The following PDXDC1 variants were observed in gnomAD, a reference collection of about 807,000 sequenced individuals.
PDXDC1 encodes the protein pyridoxal-dependent decarboxylase domain-containing protein 1.
PDXDC1 carries 42 observed loss-of-function variants against 100.1 expected under a neutral mutation model. That is an observed-to-expected ratio of 0.42 (90% CI 0.33 to 0.54). The LOEUF is 0.54. Ranked by LOEUF, PDXDC1 falls within the 20% of genes least tolerant of loss-of-function variation. The pLI, the probability that PDXDC1 is intolerant of heterozygous loss-of-function variation, is 0.10. For missense variants in PDXDC1, 636 were observed against 979.2 expected (o/e 0.65, Z 4.68); for synonymous variants, 260 against 371.7 (o/e 0.70, Z 3.46).
chr16:15,111,456 C>CAAAAA (rs4012875), intron 16 of PDXDC1, among the ~76,000 whole-genome samples: 5 of 100,456 alleles, frequency 5.0e-5, no homozygotes, highest in Non-Finnish European at 4.0e-5. Context: ...AACTCTGTCT[C>CAAAAA]AAAAAAAAAA....
intron 16 of PDXDC1, among the ~76,000 whole-genome samples, chr16:15,111,944 C>A (rs1042106257): frequency 6.8e-6 from 1 of 147,844 alleles, no homozygotes. Context: ...AACATTTCAC[C>A]CCCTGCTCCT....
chr16:15,105,302 GA>G (rs1328271550), intron 16 of PDXDC1, among the ~76,000 whole-genome samples: 1 of 74,810 alleles, frequency 1.3e-5, no homozygotes, highest in Non-Finnish European at 2.7e-5. Flanking sequence ...CCAAATCTAA[GA>G]AAACAGAGGT....
chr16:15,142,223 C>T (rs2048486632), downstream of PDXDC1, among the ~76,000 whole-genome samples: 1 of 152,096 alleles, frequency 6.6e-6, no homozygotes, highest in Non-Finnish European at 1.5e-5. Context: ...GCAGGTCAGC[C>T]GAGGACCCCA....
chr16:15,132,681 C>A, intron 16 of PDXDC1: 2 of 746,144 alleles, frequency 2.7e-6, no homozygotes, highest in South Asian at 1.5e-5. Flanking sequence ...AGTACCCTGG[C>A]AGGCATGCGG....
chr16:15,133,283 A>G (rs2048196042), intron 16 of PDXDC1: 2 of 1,580,908 alleles, frequency 1.3e-6, no homozygotes, highest in Non-Finnish European at 1.7e-6. Flanking sequence ...GACGGTGACC[A>G]GGGCCAGCGA....
Position 15,008,782 on chromosome 16 carries a change from G to A in PDXDC1, c.583G>A (p.Gly195Ser), listed in dbSNP as rs751031747. Residue 195 changes from glycine (G) to serine (S), a missense_variant, in exon 7 of 23, where the codon GGC (glycine) becomes AGC (serine). Gly to Ser is a moderately conservative substitution (Grantham distance 56, BLOSUM62 0). Transcript: ENST00000396410. ...AGTCATATGTTTCTTCCTGCAGCTCGGCTTGCCCTTCCCCTGCTTGTGCCG... is the reference window on the plus strand; with the variant it reads ...AGTCATATGTTTCTTCCTGCAGCTCAGCTTGCCCTTCCCCTGCTTGTGCCG... Reference protein sequence around the residue: ...GLGQYLCNQLGLPFPCLCRVP... With the variant: ...GLGQYLCNQLSLPFPCLCRVP... 54 of 1,613,696 alleles carry A rather than the reference G, an allele frequency of 3.3e-5. No individual in the cohort carries two copies. In the East Asian group the frequency reaches 3.6e-4, roughly 11 times the overall value.
chr16:15,073,071 T>C, intron 16 of PDXDC1: 1 of 1,610,696 alleles, frequency 6.2e-7, no homozygotes, highest in East Asian at 2.2e-5. Flanking sequence ...TTTGCCGTTA[T>C]CAACCTTACC....
chr16:15,071,288 A>T, intron 16 of PDXDC1: 1 of 1,547,038 alleles, frequency 6.5e-7, no homozygotes, highest in Non-Finnish European at 8.7e-7. Flanking sequence ...ATCTTTTTTA[A>T]TGCCTAAGAT....
chr16:15,063,533 C>A (rs1490043209), intron 16 of PDXDC1, among the ~76,000 whole-genome samples: 1 of 151,582 alleles, frequency 6.6e-6, no homozygotes, highest in Admixed American at 6.6e-5. Flanking sequence ...ACGGTGAAAC[C>A]CCATCTCTAC....
At chr16:15,060,749 C>T (rs893299104) in intron 16 of PDXDC1, 1 of 152,306 alleles carries the variant, frequency 6.6e-6, no homozygotes, top group Non-Finnish European at 1.5e-5. Flanking sequence ...ACACAGCCAT[C>T]AGACCAAGAC....
intron 16 of PDXDC1, chr16:15,131,078 T>C (rs1464483732): frequency 6.2e-7 from 1 of 1,605,382 alleles, no homozygotes; most frequent in Non-Finnish European, 8.5e-7. Context: ...CCTCACCCGC[T>C]GCACGCACCG....
intron 16 of PDXDC1, chr16:15,118,988 T>A (rs2151887557): frequency 7.0e-7 from 1 of 1,436,490 alleles, no homozygotes; most frequent in African/African-American, 1.4e-5. Context: ...ACAGTAATGA[T>A]AAGTAACCAA....
intron 16 of PDXDC1, among the ~76,000 whole-genome samples, chr16:15,085,482 A>G (rs1260601761): frequency 6.6e-6 from 1 of 151,970 alleles, no homozygotes; most frequent in Non-Finnish European, 1.5e-5. Context: ...AAAATATTTG[A>G]AAAAAAATGT....
At chr16:15,027,132 AT>A (rs1279229035) in intron 14 of PDXDC1, among the ~76,000 whole-genome samples, 3 of 152,278 alleles carry the variant, frequency 2.0e-5, no homozygotes, top group Non-Finnish European at 4.4e-5. Flanking sequence ...TCTGACTTTC[AT>A]ACATTCTACA....
chr16:15,032,653 TAAAA>T (rs377361206), intron 17 of PDXDC1: 127 of 216,182 alleles, frequency 5.9e-4, no homozygotes, highest in Middle Eastern at 2.4e-3. Flanking sequence ...GACCCTGCTT[TAAAA>T]AAAAAAAAAA....
At position 15,073,159 on chromosome 16, in the gene PDXDC1, A is replaced by C. The variant is rs149339155; in HGVS notation, c.1399+43103A>C. 1,670 of 1,485,322 alleles carry C rather than the reference A, an allele frequency of 1.1e-3. 9 individuals are homozygous for C. In the African/African-American group the frequency reaches 0.016, roughly 14 times the overall value. The allele number at this position is 1,485,322 out of a possible 1,614,324, so 92.0% of individuals were successfully genotyped here. On this transcript the variant is annotated intron_variant, in intron 16 of 16. Transcript: ENST00000535621. ...ATCTGCCATATTTTTTATAAACACA[A>C]CACCATTAAAAAACAACATTATCCA...
chr16:15,135,934 G>A (rs909684561), intron 16 of PDXDC1: 114 of 1,577,876 alleles, frequency 7.2e-5, no homozygotes, highest in South Asian at 1.2e-4. Context: ...GCCGGCTCAC[G>A]TCCACGCCGG....
intron 16 of PDXDC1, among the ~76,000 whole-genome samples, chr16:15,046,902 A>C (rs1393777350): frequency 6.6e-6 from 1 of 151,904 alleles, no homozygotes; most frequent in Non-Finnish European, 1.5e-5. Flanking sequence ...AAGAAAAAAA[A>C]CTACATGCCT....
intron 19 of PDXDC1, among the ~76,000 whole-genome samples, chr16:15,033,661 G>A (rs62039478): frequency 0.1 from 15,265 of 152,220 alleles, 1,014 homozygotes; most frequent in Admixed American, 0.2. Flanking sequence ...AGAGAAGAGG[G>A]CGGGTAGCTG....
Sources: gnomAD v4.1 joint callset for allele counts (sites outside exome capture counted in the v4.1 genomes callset) on GRCh38, gnomAD v4.1.1 for gene constraint, MANE v1.5 for transcripts, NCBI Gene and HGNC (gene_info 2026-07-23, HGNC 2026-07-21) for gene names.